Variants in KCNIP1 observed in about 807,000 individuals in gnomAD.
KCNIP1 encodes the protein potassium voltage-gated channel interacting protein 1, also known as A-type potassium channel modulatory protein KCNIP1.
KCNIP1 carries 18 observed loss-of-function variants against 33.0 expected under a neutral mutation model. That is an observed-to-expected ratio of 0.55 (90% CI 0.38 to 0.81). The LOEUF (loss-of-function observed/expected upper bound fraction) is 0.81. Ranked by LOEUF, KCNIP1 falls within the 30% of genes least tolerant of loss-of-function variation. The probability of loss-of-function intolerance (pLI) is 0.00; values close to 1 mark genes in which losing one functional copy is unlikely to be tolerated. For missense variants in KCNIP1, 238 were observed against 271.6 expected (o/e 0.88, Z 0.87); for synonymous variants, 93 against 98.3 (o/e 0.95, Z 0.32).
chr5:170,607,513 C>T (rs571032583), intron 1 of KCNIP1, among the ~76,000 whole-genome samples: 22 of 152,222 alleles, frequency 1.4e-4, no homozygotes, highest in African/African-American at 3.9e-4. Flanking sequence ...GATAATGTGA[C>T]GAGGTGCTGA....
intron 1 of KCNIP1, among the ~76,000 whole-genome samples, chr5:170,649,303 A>G (rs1157416962): frequency 6.6e-6 from 1 of 152,212 alleles, no homozygotes; most frequent in Non-Finnish European, 1.5e-5. Context: ...CAAAATGAAA[A>G]TAAAAATAGA....
At chr5:170,483,669 A>C (rs547261071) in intron 1 of KCNIP1, 1 of 152,310 alleles carries the variant, frequency 6.6e-6, no homozygotes, top group South Asian at 2.1e-4. Context: ...CCTGTCTCTG[A>C]ACTTCACCTT....
intron 1 of KCNIP1, among the ~76,000 whole-genome samples, chr5:170,515,237 C>T (rs1474150936): frequency 6.6e-6 from 1 of 152,140 alleles, no homozygotes. Context: ...GGGAGGAAAA[C>T]CTGGGACTAC....
chr5:170,384,708 G>A (rs1471081240), intron 1 of KCNIP1, among the ~76,000 whole-genome samples: 9 of 152,204 alleles, frequency 5.9e-5, no homozygotes, highest in African/African-American at 1.4e-4. Flanking sequence ...AATAGAACAC[G>A]AATTAGGAAT....
chr5:170,688,540 GCAAAGC>G (rs2113809976), intron 1 of KCNIP1, among the ~76,000 whole-genome samples: 1 of 152,286 alleles, frequency 6.6e-6, no homozygotes, highest in South Asian at 2.1e-4. Context: ...CCAAGTAGAA[GCAAAGC>G]CAAACTGACC....
At chr5:170,712,069 G>A (rs1351265900) in intron 1 of KCNIP1, among the ~76,000 whole-genome samples, 3 of 152,130 alleles carry the variant, frequency 2.0e-5, no homozygotes, top group East Asian at 3.9e-4. Context: ...ACCCACAAAG[G>A]CCAGCAGGAG....
rs149053738 is a variant in KCNIP1, at chr5:170,433,937, C to T, written c.88+79973C>T. On this transcript the variant is annotated intron_variant, in intron 1 of 7. Transcript: ENST00000377360. ...GACCACACTCTTTCCTGTCTCCATG[C>T]AGAGGGGCCTCCTGCTCACTTTAGC... Among the ~76,000 whole-genome samples the T allele has an allele frequency of 4.1e-4, 62 of 152,340 alleles. 2 individuals are homozygous for T. The East Asian group carries it at 6.7e-3, about 17-fold the overall frequency.
intron 1 of KCNIP1, among the ~76,000 whole-genome samples, chr5:170,638,226 C>A (rs1022712436): frequency 6.6e-6 from 1 of 152,144 alleles, no homozygotes; most frequent in African/African-American, 2.4e-5. Flanking sequence ...AGGAGGCAGC[C>A]AGGCCAGGTT....
rs537110511 is a variant in KCNIP1 at position 170,446,723 on chromosome 5, T to C, written c.88+92759T>C. ...TCCCAAAATGCTGGGATTACAGGCA[T>C]GAGGCACTGCACCCAGCCTCAACTT... On this transcript the variant is annotated intron_variant, in intron 1 of 7. Transcript: ENST00000377360. 2.0e-5 allele frequency among the ~76,000 whole-genome samples: 3 copies of C among 152,320 alleles called. No homozygotes were observed. The South Asian group carries it at 6.2e-4, about 32-fold the overall frequency.
chr5:170,626,333 G>A (rs1759821327), intron 1 of KCNIP1, among the ~76,000 whole-genome samples: 1 of 152,178 alleles, frequency 6.6e-6, no homozygotes, highest in Non-Finnish European at 1.5e-5. Flanking sequence ...GCTAAGGCTG[G>A]ATTCAATCCA....
chr5:170,681,531 T>C (rs1762350404), intron 1 of KCNIP1: 1 of 171,836 alleles, frequency 5.8e-6, no homozygotes, highest in Non-Finnish European at 1.2e-5. Flanking sequence ...ATATTGTTGA[T>C]GGAAGCCAGT....
intron 3 of KCNIP1, among the ~76,000 whole-genome samples, chr5:170,721,232 G>T (rs1188912988): frequency 6.6e-6 from 1 of 152,196 alleles, no homozygotes; most frequent in African/African-American, 2.4e-5. Context: ...CAGATCAGGT[G>T]GGGGAGGCAG....
chr5:170,373,350 G>A (rs1763897310), intron 1 of KCNIP1, among the ~76,000 whole-genome samples: 1 of 152,234 alleles, frequency 6.6e-6, no homozygotes, highest in South Asian at 2.1e-4. Context: ...AGGGCACGGT[G>A]TGGGAGGGGC....
rs535788235 is a variant in KCNIP1 at position 170,392,880 on chromosome 5, G to A, written c.88+38916G>A. On this transcript the variant is annotated intron_variant, in intron 1 of 7. Transcript: ENST00000377360. Reference sequence around the variant, plus strand: ...ATCTACTCTTAGGTCACACACTATGGCACAAATGGAATAGAAGGGCAGTGA... The same window carrying A: ...ATCTACTCTTAGGTCACACACTATGACACAAATGGAATAGAAGGGCAGTGA... Among the ~76,000 whole-genome samples, 184 of 152,214 alleles carry A rather than the reference G, an allele frequency of 1.2e-3. 2 individuals carry two copies. Among genetic ancestry groups the A allele is most frequent in the South Asian group, 3.1e-3 (15 of 4,818 alleles).
chr5:170,488,003 ATCCCACCTACTAGAAGCACCCTG>A (rs1197922476), intron 1 of KCNIP1, among the ~76,000 whole-genome samples: 2 of 152,144 alleles, frequency 1.3e-5, no homozygotes, highest in Admixed American at 6.5e-5. Flanking sequence ...ATCTTCCTTG[ATCCCACCTACTAGAAGCACCCTG>A]TCCCACCTCA....
chr5:170,613,581 G>C lies in KCNIP1; in HGVS notation c.62-105177G>C, dbSNP rs1033929215. 3.0e-4 allele frequency among the ~76,000 whole-genome samples: 45 copies of C among 152,136 alleles called. 1 individual carries two copies. Among genetic ancestry groups the C allele is most frequent in the African/African-American group, 1.0e-3 (42 of 41,402 alleles). ...GAAGGAGATGGGAGGGAGAGAAATA[G>C]TTGGGGAGACCACAGGGAAAGGAGG... On this transcript the variant is annotated intron_variant, in intron 1 of 7. Transcript: ENST00000328939.
At chr5:170,482,062 G>C (rs1756989805) in intron 1 of KCNIP1, among the ~76,000 whole-genome samples, 1 of 152,186 alleles carries the variant, frequency 6.6e-6, no homozygotes, top group Admixed American at 6.5e-5. Flanking sequence ...TGTGGTTACG[G>C]GATGCTTTGC....
chr5:170,556,861 C>A (rs1756864203), intron 1 of KCNIP1, among the ~76,000 whole-genome samples: 1 of 152,230 alleles, frequency 6.6e-6, no homozygotes, highest in Non-Finnish European at 1.5e-5. Flanking sequence ...GCTGCCACAT[C>A]AGGGAATTCT....
intron 1 of KCNIP1, among the ~76,000 whole-genome samples, chr5:170,467,325 T>C (rs900007299): frequency 6.6e-6 from 1 of 152,118 alleles, no homozygotes; most frequent in African/African-American, 2.4e-5. Context: ...GAGGAAACAA[T>C]TAGATCTATA....
Sources: gnomAD v4.1 joint callset for allele counts (sites outside exome capture counted in the v4.1 genomes callset) on GRCh38, gnomAD v4.1.1 for gene constraint, MANE v1.5 for transcripts, NCBI Gene and HGNC (gene_info 2026-07-23, HGNC 2026-07-21) for gene names.